Variants in EGFR observed in about 807,000 individuals in gnomAD.
The protein encoded by EGFR is epidermal growth factor receptor.
A neutral mutation model predicts 143.0 loss-of-function variants in EGFR; 58 were observed. The ratio of observed to expected loss-of-function variants is 0.41; its 90% confidence interval spans 0.33 to 0.50. The LOEUF (loss-of-function observed/expected upper bound fraction) is 0.50. Ranked by LOEUF, EGFR falls within the 20% of genes least tolerant of loss-of-function variation. EGFR has a pLI of 0.39. For missense variants in EGFR, 1,307 were observed against 1,579.0 expected (o/e 0.83, Z 2.92); for synonymous variants, 613 against 594.4 (o/e 1.03, Z -0.45).
chr7:55,122,217 C>T (rs1259717079), intron 1 of EGFR, among the ~76,000 whole-genome samples: 3 of 152,226 alleles, frequency 2.0e-5, no homozygotes, highest in Admixed American at 6.5e-5. Context: ...GCTCATGGAG[C>T]ACTCTAGTCC....
intron 1 of EGFR, among the ~76,000 whole-genome samples, chr7:55,118,365 T>C (rs1455909852): frequency 2.0e-5 from 3 of 152,176 alleles, no homozygotes; most frequent in Non-Finnish European, 4.4e-5. Context: ...CCATTGGAGT[T>C]TGAGAAGCAC....
intron 1 of EGFR, chr7:55,110,099 G>A: frequency 5.6e-6 from 2 of 357,016 alleles, no homozygotes; most frequent in Non-Finnish European, 7.8e-6. Context: ...GGAATCTTAT[G>A]AGAATTTCCA....
intron 1 of EGFR, among the ~76,000 whole-genome samples, chr7:55,137,531 T>C (rs1244169312): frequency 6.6e-6 from 1 of 152,200 alleles, no homozygotes; most frequent in Non-Finnish European, 1.5e-5. Flanking sequence ...CAGATTGCTT[T>C]TATTTTCAGT....
intron 1 of EGFR, among the ~76,000 whole-genome samples, chr7:55,079,810 C>T (rs1042137214): frequency 4.6e-5 from 7 of 152,114 alleles, no homozygotes; most frequent in African/African-American, 1.7e-4. Context: ...CCCGCCACTC[C>T]AGGTGTCTGC....
chr7:55,177,438 C>G (rs1459007918), intron 19 of EGFR, among the ~76,000 whole-genome samples: 1 of 152,224 alleles, frequency 6.6e-6, no homozygotes, highest in Non-Finnish European at 1.5e-5. Context: ...CTCACGTTCC[C>G]CTGCAGACAC....
At chr7:55,122,817 T>G (rs1322091587) in intron 1 of EGFR, among the ~76,000 whole-genome samples, 1 of 152,268 alleles carries the variant, frequency 6.6e-6, no homozygotes, top group Non-Finnish European at 1.5e-5. Flanking sequence ...GCATGTCTCA[T>G]GAGTATTGCC....
chr7:55,188,191 G>A (rs751172134), intron 20 of EGFR, among the ~76,000 whole-genome samples: 3 of 152,174 alleles, frequency 2.0e-5, no homozygotes, highest in Non-Finnish European at 4.4e-5. Flanking sequence ...CCAGAACCAC[G>A]CGGCCTTCTC....
chr7:55,098,926 C>G (rs558588153), intron 1 of EGFR, among the ~76,000 whole-genome samples: 1 of 152,168 alleles, frequency 6.6e-6, no homozygotes, highest in Non-Finnish European at 1.5e-5. Flanking sequence ...CTTCTGATTT[C>G]GAAGCAGTGG....
intron 1 of EGFR, 56 bp from the exon 2 acceptor site, chr7:55,142,230 T>G: frequency 3.7e-6 from 6 of 1,607,690 alleles, no homozygotes; most frequent in Non-Finnish European, 5.1e-6. Flanking sequence ...GATTGTTTTA[T>G]TTTAGTTTTT....
At chr7:55,145,044 C>A (rs1794687097) in intron 3 of EGFR, among the ~76,000 whole-genome samples, 1 of 152,184 alleles carries the variant, frequency 6.6e-6, no homozygotes, top group African/African-American at 2.4e-5. Flanking sequence ...TAATGTGATA[C>A]CATTAATAGC....
intron 1 of EGFR, among the ~76,000 whole-genome samples, chr7:55,058,359 A>T (rs1375359960): frequency 6.6e-6 from 1 of 152,138 alleles, no homozygotes; most frequent in South Asian, 2.1e-4. Context: ...AAGCCACTGC[A>T]CTTTAGCCTA....
rs1042700558 is a variant in EGFR at position 55,206,094 on chromosome 7, T to C, written c.*477T>C. 1.2e-5 allele frequency: 4 copies of C among 323,862 alleles called. No individual in the cohort carries two copies. Among genetic ancestry groups the C allele is most frequent in the Non-Finnish European group, 5.7e-6 (1 of 175,072 alleles). 20.1% of individuals were successfully genotyped at this position (323,862 alleles called of 1,614,324 possible). Reference sequence around the variant, plus strand: ...CACAAGTCTTCCAGAGGATGCTTGATTCCAGTGGTTCTGCTTCAAGGCTTC... The same window carrying C: ...CACAAGTCTTCCAGAGGATGCTTGACTCCAGTGGTTCTGCTTCAAGGCTTC... On this transcript the variant is annotated 3_prime_UTR_variant, in exon 28 of 28. Coordinates refer to ENST00000275493, the MANE Select transcript of EGFR (RefSeq NM_005228.5).
intron 22 of EGFR, among the ~76,000 whole-genome samples, chr7:55,197,097 G>C (rs1187864668): frequency 6.6e-6 from 1 of 152,102 alleles, no homozygotes; most frequent in African/African-American, 2.4e-5. Context: ...AAATACTTTG[G>C]GCAGTATAGT....
intron 1 of EGFR, among the ~76,000 whole-genome samples, chr7:55,115,832 G>C (rs1268197791): frequency 6.6e-6 from 1 of 152,180 alleles, no homozygotes; most frequent in Non-Finnish European, 1.5e-5. Flanking sequence ...AACTGGAATG[G>C]GGAGTGACAT....
rs2128935109 is a variant in EGFR at position 55,154,120 on chromosome 7, G to T, written c.857G>T (p.Ser286Ile). 2 of 1,614,242 alleles carry T rather than the reference G, an allele frequency of 1.2e-6. No individual in the cohort carries two copies. Among genetic ancestry groups the T allele is most frequent in the Non-Finnish European group, 1.7e-6 (2 of 1,180,052 alleles). Reference protein sequence around the residue: ...QMDVNPEGKYSFGATCVKKCP... With the variant: ...QMDVNPEGKYIFGATCVKKCP... ...GATGTGAACCCCGAGGGCAAATACA[G>T]CTTTGGTGCCACCTGCGTGAAGAAG... Residue 286 changes from serine to isoleucine, a missense_variant, in exon 7 of 28, where the codon AGC (serine) becomes ATC (isoleucine). Ser to Ile is a moderately radical substitution (Grantham distance 142, BLOSUM62 -2). Coordinates refer to ENST00000275493, the MANE Select transcript of EGFR (RefSeq NM_005228.5).
Position 55,156,745 on chromosome 7 carries a change from G to T in EGFR, c.1134-14G>T, listed in dbSNP as rs369109648. On this transcript the variant is annotated splice_polypyrimidine_tract_variant and intron_variant, in intron 9 of 27. Transcript: ENST00000275493. ...GAGATTGGTGATCAATAATCACCCT[G>T]TTGTTTGTTTCAGTGACTCCTTCAC... The T allele has an allele frequency of 1.2e-6, 2 of 1,614,146 alleles. No homozygotes were observed. Among genetic ancestry groups the T allele is most frequent in the Non-Finnish European group, 1.7e-6 (2 of 1,180,012 alleles).
rs565556314 is a variant in EGFR at position 55,170,559 on chromosome 7, C to T, written c.1881-616C>T. The T allele has an allele frequency of 1.5e-4, 235 of 1,612,514 alleles. 2 individuals carry two copies. The South Asian group carries it at 2.2e-3, about 15-fold the overall frequency. On this transcript the variant is annotated intron_variant, in intron 15 of 27. Transcript: ENST00000275493. ...CCTGCCACTGAGCCTCATGCCTTCACGTGTCTGTTCCCCCCGCTTTTCCTT... is the reference window on the plus strand; with the variant it reads ...CCTGCCACTGAGCCTCATGCCTTCATGTGTCTGTTCCCCCCGCTTTTCCTT...
At chr7:55,105,286 G>T (rs1415300050) in intron 1 of EGFR, among the ~76,000 whole-genome samples, 1 of 152,134 alleles carries the variant, frequency 6.6e-6, no homozygotes, top group African/African-American at 2.4e-5. Flanking sequence ...GAGAAGAGTG[G>T]GGAATGCACA....
intron 1 of EGFR, among the ~76,000 whole-genome samples, chr7:55,140,682 G>T (rs1794409242): frequency 6.6e-6 from 1 of 152,252 alleles, no homozygotes; most frequent in African/African-American, 2.4e-5. Context: ...AGAGACGCTG[G>T]GTCAATCCAG....
Sources: allele counts gnomAD v4.1 joint callset (sites outside exome capture counted in the v4.1 genomes callset), GRCh38; gene constraint gnomAD v4.1.1; transcripts MANE v1.5; gene names NCBI Gene and HGNC (gene_info 2026-07-23, HGNC 2026-07-21).